ZC4H2: variants seen among roughly 807,000 people sequenced by gnomAD.
The protein encoded by ZC4H2 is zinc finger C4H2-type containing.
For missense variants in ZC4H2, 137 were observed against 173.9 expected (o/e 0.79, Z 1.19); for synonymous variants, 84 against 66.3 (o/e 1.27, Z -1.30).
At chrX:64,989,933 G>T (rs1387267843) in intron 1 of ZC4H2, among the ~76,000 whole-genome samples, 1 of 111,929 alleles carries the variant, frequency 8.9e-6, no homozygotes, top group Non-Finnish European at 1.9e-5. Context: ...AGGTGAGCAT[G>T]CACAACGGTA....
chrX:64,933,650 C>T (rs1203650877), intron 1 of ZC4H2, among the ~76,000 whole-genome samples: 1 of 110,612 alleles, frequency 9.0e-6, no homozygotes, highest in Non-Finnish European at 1.9e-5. Context: ...GAATCTTTTC[C>T]AACTGGCTTT....
At chrX:64,999,379 C>T (rs1932489481) in intron 1 of ZC4H2, among the ~76,000 whole-genome samples, 1 of 112,066 alleles carries the variant, frequency 8.9e-6, no homozygotes, top group South Asian at 3.7e-4. Context: ...CCCTGAGGGG[C>T]TGTGCCTTGA....
In ZC4H2 at chrX:65,011,307, T is replaced by A. The variant is rs1018408604; in HGVS notation, c.-272+23322A>T. 2.7e-5 allele frequency among the ~76,000 whole-genome samples: 3 copies of A among 111,688 alleles called. No individual in the cohort carries two copies. The Admixed American group carries it at 2.9e-4, about 11-fold the overall frequency. ...GTGACTGAGGCTAGATTTGAGTCTG[T>A]CTGACTCTAAAGCCCATATTCTTTC... On this transcript the variant is annotated intron_variant, in intron 1 of 4. Coordinates refer to the ZC4H2 transcript ENST00000337990.
At chrX:64,952,850 G>A (rs768276557) in intron 1 of ZC4H2, among the ~76,000 whole-genome samples, 1 of 111,037 alleles carries the variant, frequency 9.0e-6, no homozygotes, top group Non-Finnish European at 1.9e-5. Context: ...CCAAAAAAGA[G>A]CCCTCATTGC....
chrX:64,931,149 A>G (rs1279699984), intron 1 of ZC4H2, among the ~76,000 whole-genome samples: 2 of 111,686 alleles, frequency 1.8e-5, no homozygotes, highest in Non-Finnish European at 1.9e-5. Flanking sequence ...GTGTGTGAAA[A>G]GGTGTTCATA....
chrX:64,922,247 CAA>C (rs374308800), intron 1 of ZC4H2: 136 of 85,250 alleles, frequency 1.6e-3, no homozygotes, highest in Middle Eastern at 3.3e-3. Flanking sequence ...CTTATATCTA[CAA>C]AAAAAAAAAA....
At chrX:64,991,254 G>T (rs894036771) in intron 1 of ZC4H2, among the ~76,000 whole-genome samples, 2 of 112,108 alleles carry the variant, frequency 1.8e-5, no homozygotes, top group African/African-American at 6.5e-5. Flanking sequence ...GGGAAGATGT[G>T]ATGGTGATTG....
chrX:64,973,705 A>C (rs1427732955), intron 1 of ZC4H2, among the ~76,000 whole-genome samples: 1 of 111,236 alleles, frequency 9.0e-6, no homozygotes, highest in African/African-American at 3.3e-5. Context: ...GTATTTCTTC[A>C]TTGGAGAATG....
chrX:64,976,518 A>G, upstream of ZC4H2: 1 of 627,375 alleles, frequency 1.6e-6, no homozygotes. Flanking sequence ...TGGGAGCTGT[A>G]GTCCGGAGCT....
In ZC4H2 at chrX:64,935,117, G is replaced by A. The variant is rs752288544; in HGVS notation, c.54-13129C>T. 2.5e-3 allele frequency among the ~76,000 whole-genome samples: 277 copies of A among 111,536 alleles called. 15 individuals carry two copies. Among genetic ancestry groups the A allele is most frequent in the Middle Eastern group, 4.6e-3 (1 of 217 alleles). On this transcript the variant is annotated intron_variant, in intron 1 of 4. Transcript: ENST00000374839. ...GCCAGCACAGCAGCAGTCTGATACC[G>A]ACTGGGACACTCGAGTTTGGTGGGA... is the stretch of plus-strand genomic sequence containing the variant.
intron 1 of ZC4H2, among the ~76,000 whole-genome samples, chrX:65,013,866 T>C (rs1932780423): frequency 9.0e-6 from 1 of 110,948 alleles, no homozygotes; most frequent in African/African-American, 3.3e-5. Context: ...AGCAAAACAA[T>C]TACAGAAAAG....
intron 1 of ZC4H2, among the ~76,000 whole-genome samples, chrX:65,031,659 A>C (rs1305575123): frequency 1.8e-5 from 2 of 112,226 alleles, no homozygotes; most frequent in African/African-American, 6.5e-5. Flanking sequence ...TGGAATGTAG[A>C]TAAATCTCTC....
intron 1 of ZC4H2, among the ~76,000 whole-genome samples, chrX:64,950,493 C>A (rs372256423): frequency 5.4e-5 from 6 of 111,121 alleles, no homozygotes; most frequent in African/African-American, 1.3e-4. Context: ...AAGTCTCTTT[C>A]TAGGTCTCTA....
chrX:64,993,036 T>G (rs1309572631), intron 1 of ZC4H2, among the ~76,000 whole-genome samples: 3 of 111,981 alleles, frequency 2.7e-5, no homozygotes. Context: ...AGCCAACTTC[T>G]GCAAGCAAGG....
intron 1 of ZC4H2, among the ~76,000 whole-genome samples, chrX:65,004,946 C>G (rs986723021): frequency 2.7e-5 from 3 of 111,604 alleles, no homozygotes; most frequent in Non-Finnish European, 3.8e-5. Context: ...AATAGACACA[C>G]AGAGAGCCAA....
At chrX:64,950,042 G>A (rs1008050902) in intron 1 of ZC4H2, among the ~76,000 whole-genome samples, 5 of 111,852 alleles carry the variant, frequency 4.5e-5, no homozygotes, top group African/African-American at 1.6e-4. Flanking sequence ...GTTCTGGTAT[G>A]TTGTATCTTT....
chrX:64,954,878 C>T (rs1420563697), intron 1 of ZC4H2, among the ~76,000 whole-genome samples: 2 of 111,348 alleles, frequency 1.8e-5, no homozygotes, highest in Non-Finnish European at 1.9e-5. Context: ...ATAAACTCCA[C>T]GGTCTAAGTC....
chrX:64,927,365 A>T (rs1050215678), intron 1 of ZC4H2, among the ~76,000 whole-genome samples: 2 of 110,106 alleles, frequency 1.8e-5, no homozygotes, highest in African/African-American at 6.6e-5. Context: ...ACCACTTATG[A>T]GTGAGAACAT....
intron 1 of ZC4H2, among the ~76,000 whole-genome samples, chrX:64,959,774 C>T (rs1318004484): frequency 9.0e-6 from 1 of 110,568 alleles, no homozygotes; most frequent in East Asian, 2.9e-4. Flanking sequence ...ATACTGACGA[C>T]ACCACCACAA....
Sources: gnomAD v4.1 joint callset for allele counts (sites outside exome capture counted in the v4.1 genomes callset) on GRCh38, gnomAD v4.1.1 for gene constraint, MANE v1.5 for transcripts, NCBI Gene and HGNC (gene_info 2026-07-23, HGNC 2026-07-21) for gene names.